ZC3H7A: variants seen among roughly 807,000 people sequenced by gnomAD.
ZC3H7A encodes zinc finger CCCH-type containing 7A, also known as zinc finger CCCH domain-containing protein 7A.
ZC3H7A carries 44 observed loss-of-function variants against 125.5 expected under a neutral mutation model. The ratio of observed to expected loss-of-function variants is 0.35; its 90% confidence interval spans 0.28 to 0.45. The LOEUF (loss-of-function observed/expected upper bound fraction) is 0.45. Among genes scored for constraint, ZC3H7A ranks in the 20% least tolerant of loss-of-function variants. ZC3H7A has a pLI of 1.00. For missense variants in ZC3H7A, 977 were observed against 1,170.7 expected (o/e 0.83, Z 2.41); for synonymous variants, 399 against 391.2 (o/e 1.02, Z -0.23).
At chr16:11,761,882 A>G in intron 18 of ZC3H7A, 28 bp downstream of exon 18, 1 of 1,604,140 alleles carries the variant, frequency 6.2e-7, no homozygotes, top group African/African-American at 1.3e-5. Context: ...ATTACAAAAT[A>G]GGAATTGTTT....
chr16:11,788,700 G>A (rs530373801), intron 1 of ZC3H7A, among the ~76,000 whole-genome samples: 80 of 148,102 alleles, frequency 5.4e-4, no homozygotes, highest in South Asian at 2.6e-3. Flanking sequence ...TACAACCTCC[G>A]CCTCCTGGGT....
At chr16:11,795,765 A>T (rs1024256943) in intron 1 of ZC3H7A, among the ~76,000 whole-genome samples, 1 of 152,088 alleles carries the variant, frequency 6.6e-6, no homozygotes, top group African/African-American at 2.4e-5. Flanking sequence ...ATTTCCAAAT[A>T]GCCACACTAA....
intron 18 of ZC3H7A, 70 bp downstream of exon 18, chr16:11,761,840 A>G: frequency 6.3e-7 from 1 of 1,576,682 alleles, no homozygotes; most frequent in Non-Finnish European, 8.6e-7. Context: ...CTTTTTGCTT[A>G]TGTGTATAAT....
chr16:11,788,185 C>T (rs570902543), intron 1 of ZC3H7A, among the ~76,000 whole-genome samples: 2 of 152,274 alleles, frequency 1.3e-5, no homozygotes, highest in South Asian at 4.1e-4. Context: ...TCAACTTCCA[C>T]CTCACAGCCT....
chr16:11,774,112 C>A, intron 9 of ZC3H7A, 124 bp downstream of exon 9: 1 of 938,168 alleles, frequency 1.1e-6, no homozygotes, highest in Non-Finnish European at 1.4e-6. Context: ...AAGTAACTTT[C>A]AAGGTTAAAA....
intron 1 of ZC3H7A, among the ~76,000 whole-genome samples, chr16:11,793,580 A>T (rs1339451565): frequency 6.6e-6 from 1 of 152,150 alleles, no homozygotes. Context: ...TCCACTCCAT[A>T]TTCAATTCTA....
intron 1 of ZC3H7A, 65 bp from the exon 2 acceptor site, chr16:11,782,453 C>A: frequency 7.6e-7 from 1 of 1,319,156 alleles, no homozygotes; most frequent in South Asian, 1.2e-5. Flanking sequence ...ATGAAAACAC[C>A]CACAAATCCA....
At chr16:11,757,223 GC>G (rs2052664943) in intron 20 of ZC3H7A, among the ~76,000 whole-genome samples, 1 of 152,054 alleles carries the variant, frequency 6.6e-6, no homozygotes, top group African/African-American at 2.4e-5. Flanking sequence ...GGTGGCTCAC[GC>G]CTGTAATCCC....
chr16:11,763,592 A>C lies in ZC3H7A; in HGVS notation c.1888T>G (p.Cys630Gly). The change falls in exon 16 of 23, where the codon TGT becomes GGT. Residue 630 changes from cysteine to glycine, a missense_variant. Cys to Gly is a radical substitution (Grantham distance 159). Transcript: ENST00000355758. Reference sequence around the variant, plus strand: ...TCATGTCGACATAAATCAAGCTGACACTGACCATGAAAAGAACGTATTTTG... The same window carrying C: ...TCATGTCGACATAAATCAAGCTGACCCTGACCATGAAAAGAACGTATTTTG... ...YSKIRSFHGQ[C>G]QLDLCRHEVR... is the part of the protein sequence containing the mutation. 6.2e-7 allele frequency: 1 copy of C among 1,611,350 alleles called. No homozygotes were observed. The highest frequency in any genetic ancestry group is 8.5e-7 in the Non-Finnish European group (1 of 1,178,578).
chr16:11,795,643 C>T (rs764310260), intron 1 of ZC3H7A, among the ~76,000 whole-genome samples: 50 of 152,142 alleles, frequency 3.3e-4, no homozygotes, highest in Non-Finnish European at 6.2e-4. Flanking sequence ...TCCATGTTGG[C>T]CAGGCTGGTC....
At chr16:11,795,327 T>A (rs1167623113) in intron 1 of ZC3H7A, among the ~76,000 whole-genome samples, 1 of 152,190 alleles carries the variant, frequency 6.6e-6, no homozygotes, top group Non-Finnish European at 1.5e-5. Context: ...AGACATGTCT[T>A]CTCAGGGCCA....
rs141054405 is a variant in ZC3H7A at position 11,780,142 on chromosome 16, G to T, written c.109-779C>A. Among the ~76,000 whole-genome samples, 349 of 138,582 alleles carry T rather than the reference G, an allele frequency of 2.5e-3. 2 individuals carry two copies. The highest frequency in any genetic ancestry group is 4.1e-3 in the South Asian group (18 of 4,428). 90.9% of individuals were successfully genotyped at this position (138,582 alleles called of 152,430 possible). ...TTTTTCTTTTCTTTTTTTTTTTTGA[G>T]ACAGAGTCTTACTCTGGCACCCAGG... On this transcript the variant is annotated intron_variant, in intron 3 of 22. Coordinates refer to ENST00000355758, the MANE Select transcript of ZC3H7A (RefSeq NM_014153.4).
intron 1 of ZC3H7A, among the ~76,000 whole-genome samples, chr16:11,784,608 A>G (rs1330574642): frequency 1.3e-5 from 2 of 152,068 alleles, no homozygotes; most frequent in African/African-American, 2.4e-5. Context: ...GTAATCCAGC[A>G]CTTTGAGAGG....
intron 1 of ZC3H7A, chr16:11,796,232 T>G (rs944620055): frequency 1.3e-5 from 2 of 152,254 alleles, no homozygotes; most frequent in Non-Finnish European, 2.9e-5. Flanking sequence ...TGACATCTTT[T>G]ACTTTCTTTC....
intron 10 of ZC3H7A, 49 bp from the exon 11 acceptor site, chr16:11,769,144 A>G (rs2052922276): frequency 6.6e-7 from 1 of 1,525,208 alleles, no homozygotes; most frequent in Non-Finnish European, 8.9e-7. Flanking sequence ...TGATCACGTA[A>G]TAAGAACATC....
At chr16:11,760,122 G>GAAAAAAAAAAAT (rs2052722755) in intron 19 of ZC3H7A, among the ~76,000 whole-genome samples, 1 of 82,532 alleles carries the variant, frequency 1.2e-5, no homozygotes, top group Non-Finnish European at 2.1e-5. Context: ...AAGAAAAAAT[G>GAAAAAAAAAAAT]AAAAAAAAAA....
chr16:11,756,505 G>C, intron 20 of ZC3H7A, 135 bp from the exon 21 acceptor site: 2 of 1,100,416 alleles, frequency 1.8e-6, no homozygotes, highest in Non-Finnish European at 2.5e-6. Flanking sequence ...TATTATATTA[G>C]ACATGGAGAG....
At chr16:11,754,864 C>A (rs919931361) in intron 21 of ZC3H7A, among the ~76,000 whole-genome samples, 8 of 139,608 alleles carry the variant, frequency 5.7e-5, no homozygotes, top group African/African-American at 2.2e-4. Context: ...TGCACTCGTG[C>A]CTGGGCGACA....
chr16:11,784,453 TCA>T (rs2053222765), intron 1 of ZC3H7A, among the ~76,000 whole-genome samples: 1 of 152,204 alleles, frequency 6.6e-6, no homozygotes, highest in East Asian at 1.9e-4. Context: ...TCATGGTAGC[TCA>T]CACCTGTAAT....
Sources: allele counts gnomAD v4.1 joint callset (sites outside exome capture counted in the v4.1 genomes callset), GRCh38; gene constraint gnomAD v4.1.1; transcripts MANE v1.5; gene names NCBI Gene and HGNC (gene_info 2026-07-23, HGNC 2026-07-21).